Variants in TTC27 observed in about 807,000 individuals in gnomAD.
TTC27 encodes tetratricopeptide repeat domain 27.
Under a neutral mutation model 115.9 loss-of-function variants are expected in TTC27, and 79 were observed. The observed-to-expected ratio is 0.68, with a 90% confidence interval of 0.57 to 0.82. The LOEUF (loss-of-function observed/expected upper bound fraction) is 0.82, where lower values mean the gene tolerates loss of function less well. Among genes scored for constraint, TTC27 ranks in the 40% least tolerant of loss-of-function variants. TTC27 has a pLI of 0.00. For missense variants in TTC27, 1,054 were observed against 993.1 expected (o/e 1.06, Z -0.82); for synonymous variants, 401 against 356.0 (o/e 1.13, Z -1.42).
At chr2:32,723,959 G>A (rs1481358362) in intron 10 of TTC27, among the ~76,000 whole-genome samples, 2 of 86,680 alleles carry the variant, frequency 2.3e-5, no homozygotes, top group Non-Finnish European at 5.1e-5. Context: ...GCCACCAGCT[G>A]GCATACATAA....
intron 18 of TTC27, among the ~76,000 whole-genome samples, chr2:32,816,977 G>A (rs1225686656): frequency 6.6e-6 from 1 of 152,152 alleles, no homozygotes; most frequent in East Asian, 1.9e-4. Flanking sequence ...GCACATGTGT[G>A]CGTGTGTGTG....
rs115156801 is a variant in TTC27, at chr2:32,763,738, G to A, written c.1680+5219G>A. 9.1e-3 allele frequency among the ~76,000 whole-genome samples: 1,387 copies of A among 152,286 alleles called. 12 individuals are homozygous for A. Among genetic ancestry groups the A allele is most frequent in the Middle Eastern group, 0.024 (7 of 292 alleles). Reference sequence around the variant, plus strand: ...TGCATTCATTAGAGAACCAAAAGACGTACCACTTATATTTACGCTTTGGAG... The same window carrying A: ...TGCATTCATTAGAGAACCAAAAGACATACCACTTATATTTACGCTTTGGAG... On this transcript the variant is annotated intron_variant, in intron 13 of 19. Coordinates refer to ENST00000317907, the MANE Select transcript of TTC27 (RefSeq NM_017735.5).
chr2:32,800,377 T>C (rs1158852742), intron 16 of TTC27, among the ~76,000 whole-genome samples: 1 of 152,100 alleles, frequency 6.6e-6, no homozygotes, highest in African/African-American at 2.4e-5. Flanking sequence ...GAGATGGGGT[T>C]TCACCATGTT....
At chr2:32,802,635 C>G (rs1407606740) in intron 16 of TTC27, among the ~76,000 whole-genome samples, 1 of 152,142 alleles carries the variant, frequency 6.6e-6, no homozygotes, top group African/African-American at 2.4e-5. Context: ...TATTAAACAC[C>G]ATTGCTTTCT....
Position 32,630,666 on chromosome 2 carries a change from C to T in TTC27, c.232C>T (p.Leu78=). The T allele has an allele frequency of 6.2e-7, 1 of 1,612,150 alleles. No homozygotes were observed. The highest frequency in any genetic ancestry group is 8.5e-7 in the Non-Finnish European group (1 of 1,179,482). ...SYLEKQVVTF[L]DYSTDLDTTE... Reference sequence around the variant, plus strand: ...CCTGGAGAAGCAGGTAGTAACATTCCTGGATTACTCAACAGATTTGGACAC... The same window carrying T: ...CCTGGAGAAGCAGGTAGTAACATTCTTGGATTACTCAACAGATTTGGACAC... Residue 78 remains leucine (L), a synonymous_variant, in exon 2 of 20, where the codon CTG becomes TTG. Coordinates refer to ENST00000317907, the MANE Select transcript of TTC27 (RefSeq NM_017735.5).
At chr2:32,754,532 C>T (rs182001253) in intron 12 of TTC27, among the ~76,000 whole-genome samples, 7,085 of 148,770 alleles carry the variant, frequency 0.048, 274 homozygotes, top group African/African-American at 0.1. Context: ...GAAAAGTCTC[C>T]CATGTCTACT....
At chr2:32,791,065 C>A (rs1199358675) in intron 16 of TTC27, among the ~76,000 whole-genome samples, 2 of 152,092 alleles carry the variant, frequency 1.3e-5, no homozygotes, top group Non-Finnish European at 2.9e-5. Context: ...TCTATAATAG[C>A]ACTTATTTGT....
rs1272170901 is a variant in TTC27, at chr2:32,630,568, C to T, written c.134C>T (p.Ala45Val). Residue 45 changes from alanine (A) to valine (V), a missense_variant, in exon 2 of 20, where the codon GCC (alanine) becomes GTC (valine). Ala to Val is a moderately conservative substitution (Grantham distance 64). Transcript: ENST00000317907. Reference sequence around the variant, plus strand: ...TTGCTACTGGAAGGGAACTATGAAGCCATATTCTTAAATTCAATGACTCAA... The same window carrying T: ...TTGCTACTGGAAGGGAACTATGAAGTCATATTCTTAAATTCAATGACTCAA... ...LQLLLEGNYEAIFLNSMTQNI... is the reference protein window; with the variant it reads ...LQLLLEGNYEVIFLNSMTQNI... The T allele has an allele frequency of 3.1e-6, 5 of 1,612,698 alleles. No individual in the cohort carries two copies. In the Admixed American group the frequency reaches 8.3e-5, roughly 27 times the overall value.
At chr2:32,799,782 A>G (rs73923003) in intron 16 of TTC27, among the ~76,000 whole-genome samples, 31,074 of 152,230 alleles carry the variant, frequency 0.2, 4,836 homozygotes, top group African/African-American at 0.44. Context: ...TGAGAATTTA[A>G]TACGTAATAA....
At chr2:32,707,903 A>C (rs550782274) in intron 10 of TTC27, among the ~76,000 whole-genome samples, 1 of 152,094 alleles carries the variant, frequency 6.6e-6, no homozygotes, top group African/African-American at 2.4e-5. Context: ...CAGCTGGGGC[A>C]GGGAAAATGA....
intron 10 of TTC27, among the ~76,000 whole-genome samples, chr2:32,721,142 T>A (rs2151909759): frequency 6.6e-6 from 1 of 152,340 alleles, no homozygotes; most frequent in Non-Finnish European, 1.5e-5. Context: ...CTTATTTTCA[T>A]GCTTATTTTA....
chr2:32,687,584 A>C (rs114658577), intron 9 of TTC27, among the ~76,000 whole-genome samples: 5 of 152,226 alleles, frequency 3.3e-5, no homozygotes, highest in Non-Finnish European at 5.9e-5. Context: ...GTAAAGACTC[A>C]GATGGGTTGA....
intron 5 of TTC27, among the ~76,000 whole-genome samples, chr2:32,659,657 G>C (rs111611717): frequency 0.088 from 13,443 of 151,924 alleles, 690 homozygotes; most frequent in Middle Eastern, 0.18. Flanking sequence ...ATCTACATTA[G>C]GTATATCTCC....
intron 16 of TTC27, among the ~76,000 whole-genome samples, chr2:32,792,861 A>C (rs541066335): frequency 6.6e-6 from 1 of 152,312 alleles, no homozygotes; most frequent in East Asian, 1.9e-4. Context: ...CTCTTTGTGG[A>C]GATTCTTCTA....
chr2:32,717,938 G>A (rs1037266045), intron 10 of TTC27, among the ~76,000 whole-genome samples: 1 of 152,174 alleles, frequency 6.6e-6, no homozygotes, highest in African/African-American at 2.4e-5. Context: ...CCTTGGACAA[G>A]CTACTGAACC....
At chr2:32,781,744 C>A (rs917111833) in intron 14 of TTC27, among the ~76,000 whole-genome samples, 3 of 152,160 alleles carry the variant, frequency 2.0e-5, no homozygotes, top group African/African-American at 7.2e-5. Context: ...CTGCACCCAG[C>A]CCTCTAATAA....
intron 13 of TTC27, among the ~76,000 whole-genome samples, chr2:32,767,887 C>T (rs1669694692): frequency 1.3e-5 from 2 of 151,848 alleles, no homozygotes; most frequent in Non-Finnish European, 1.5e-5. Context: ...TATTGTGTCC[C>T]CTAGAAAAGA....
At chr2:32,777,853 T>A in intron 13 of TTC27, 29 bp from the exon 14 acceptor site, 1 of 1,608,890 alleles carries the variant, frequency 6.2e-7, no homozygotes, top group Non-Finnish European at 8.5e-7. Context: ...TCTGTGTGTT[T>A]GAATGACTTT....
chr2:32,718,949 T>G (rs1667836629), intron 10 of TTC27, among the ~76,000 whole-genome samples: 2 of 152,198 alleles, frequency 1.3e-5, no homozygotes, highest in Non-Finnish European at 2.9e-5. Context: ...ACATGTGAGG[T>G]CTGAGATAGT....
Sources: allele counts gnomAD v4.1 joint callset (sites outside exome capture counted in the v4.1 genomes callset), GRCh38; gene constraint gnomAD v4.1.1; transcripts MANE v1.5; gene names NCBI Gene and HGNC (gene_info 2026-07-23, HGNC 2026-07-21).